CNOT2: variants seen among roughly 807,000 people sequenced by gnomAD.
CNOT2 encodes CC chemokine receptor 4-negative regulator of transcription 2.
In CNOT2, 7 loss-of-function variants were observed where a neutral mutation model predicts 72.1. That is an observed-to-expected ratio of 0.10 (90% CI 0.06 to 0.18). The LOEUF (loss-of-function observed/expected upper bound fraction) is 0.18, where lower values mean the gene tolerates loss of function less well. Among genes scored for constraint, CNOT2 ranks in the 10% least tolerant of loss-of-function variants. The pLI is 1.00. For synonymous variants in CNOT2, 196 were observed against 225.6 expected (o/e 0.87, Z 1.17); for missense variants, 345 against 660.3 (o/e 0.52, Z 5.23).
intron 2 of CNOT2, chr12:70,290,779 G>C (rs1323002533): frequency 6.6e-6 from 1 of 152,020 alleles, no homozygotes; most frequent in East Asian, 1.9e-4. Context: ...TCCCACCTCA[G>C]CCTCTCAAGA....
intron 2 of CNOT2, among the ~76,000 whole-genome samples, chr12:70,305,276 A>G (rs952797995): frequency 3.3e-5 from 5 of 152,168 alleles, no homozygotes; most frequent in African/African-American, 1.2e-4. Context: ...GCTGGGAGCT[A>G]TAGACTGGAG....
At chr12:70,268,779 G>A (rs1001126434) in intron 1 of CNOT2, among the ~76,000 whole-genome samples, 3 of 152,064 alleles carry the variant, frequency 2.0e-5, no homozygotes, top group Non-Finnish European at 4.4e-5. Context: ...AATTTTTACT[G>A]TACTCCTGTT....
chr12:70,344,066 A>C, intron 13 of CNOT2, 62 bp from the exon 14 acceptor site: 1 of 1,115,588 alleles, frequency 9.0e-7, no homozygotes, highest in Non-Finnish European at 1.3e-6. Flanking sequence ...AGTAGTAGCA[A>C]CTATATATTA....
chr12:70,323,729 A>C (rs1878652144), intron 4 of CNOT2: 2 of 151,800 alleles, frequency 1.3e-5, no homozygotes, highest in Non-Finnish European at 2.9e-5. Flanking sequence ...CACATTTCTG[A>C]GAGATTTATT....
chr12:70,299,458 G>A (rs1873466876), intron 2 of CNOT2, among the ~76,000 whole-genome samples: 4 of 143,712 alleles, frequency 2.8e-5, no homozygotes, highest in African/African-American at 1.0e-4. Flanking sequence ...CCACCTATGA[G>A]TGAGAACATG....
intron 15 of CNOT2, among the ~76,000 whole-genome samples, chr12:70,352,829 T>A (rs74473414): frequency 0.095 from 14,526 of 152,218 alleles, 893 homozygotes; most frequent in Middle Eastern, 0.18. Context: ...GAAGAAATTA[T>A]GTCACCATTC....
At chr12:70,341,112 C>T (rs1881447743) in intron 11 of CNOT2, among the ~76,000 whole-genome samples, 1 of 151,958 alleles carries the variant, frequency 6.6e-6, no homozygotes, top group South Asian at 2.1e-4. Context: ...CTTAACTCCT[C>T]ACTTTTCAAG....
intron 2 of CNOT2, among the ~76,000 whole-genome samples, chr12:70,293,324 C>A (rs1172399207): frequency 6.6e-6 from 1 of 151,990 alleles, no homozygotes; most frequent in Non-Finnish European, 1.5e-5. Context: ...CCATGCCCGG[C>A]TAATTTTGTA....
chr12:70,350,556 A>G (rs551951310), intron 15 of CNOT2, among the ~76,000 whole-genome samples: 2 of 152,336 alleles, frequency 1.3e-5, no homozygotes, highest in East Asian at 3.9e-4. Context: ...CTGAATGCCA[A>G]CATGGTGTCA....
chr12:70,325,487 G>A (rs1878942924), intron 4 of CNOT2, among the ~76,000 whole-genome samples: 1 of 151,842 alleles, frequency 6.6e-6, no homozygotes, highest in South Asian at 2.1e-4. Context: ...TAGGAGTCAA[G>A]AAATTGGATC....
At chr12:70,335,381 TA>T in intron 7 of CNOT2, 56 bp from the exon 8 acceptor site, 1 of 1,328,464 alleles carries the variant, frequency 7.5e-7, no homozygotes, top group Non-Finnish European at 1.1e-6. Flanking sequence ...TTGGTTTTTA[TA>T]ATCTCTTAAA....
intron 1 of CNOT2, among the ~76,000 whole-genome samples, chr12:70,275,635 C>G (rs1565755689): frequency 1.3e-5 from 2 of 151,938 alleles, no homozygotes; most frequent in Non-Finnish European, 2.9e-5. Flanking sequence ...ACATCCTTGC[C>G]TTATAGAAAA....
At chr12:70,279,169 G>C (rs1869390183) in intron 2 of CNOT2, among the ~76,000 whole-genome samples, 1 of 152,140 alleles carries the variant, frequency 6.6e-6, no homozygotes, top group Non-Finnish European at 1.5e-5. Flanking sequence ...TAGTATGATA[G>C]CAGCAGCTTT....
At chr12:70,282,471 C>T (rs1457213892) in intron 2 of CNOT2, among the ~76,000 whole-genome samples, 2 of 152,122 alleles carry the variant, frequency 1.3e-5, no homozygotes. Context: ...CTTTAAAAAT[C>T]ACAGATGCCT....
At chr12:70,301,039 A>G (rs932186366) in intron 2 of CNOT2, among the ~76,000 whole-genome samples, 1 of 152,090 alleles carries the variant, frequency 6.6e-6, no homozygotes, top group Admixed American at 6.5e-5. Context: ...ATTGGTGTAT[A>G]AGAATGCTTG....
At chr12:70,289,450 C>T (rs763629260) in intron 2 of CNOT2, among the ~76,000 whole-genome samples, 3 of 151,840 alleles carry the variant, frequency 2.0e-5, no homozygotes, top group South Asian at 2.1e-4. Flanking sequence ...GAGTCTTACA[C>T]GTGGGATTTG....
chr12:70,307,680 C>CCCTA (rs1875674384), intron 2 of CNOT2: 2 of 151,998 alleles, frequency 1.3e-5, no homozygotes, highest in African/African-American at 4.8e-5. Flanking sequence ...TTTTTATGTA[C>CCCTA]CCTAATTTCT....
chr12:70,294,405 A>G (rs1872495187), intron 2 of CNOT2: 3 of 549,662 alleles, frequency 5.5e-6, no homozygotes, highest in Admixed American at 3.4e-5. Flanking sequence ...TAGAAATATA[A>G]TGTTTGTTAT....
chr12:70,293,914 C>CTTTT lies in CNOT2; in HGVS notation c.48+15663_48+15666dup, dbSNP rs34038348. Among the ~76,000 whole-genome samples the CTTTT allele has an allele frequency of 1.6e-3, 117 of 71,342 alleles. 8 individuals carry two copies. Among genetic ancestry groups the CTTTT allele is most frequent in the Non-Finnish European group, 2.4e-3 (95 of 38,952 alleles). The allele number at this position is 71,342 out of a possible 152,430, so 46.8% of individuals were successfully genotyped here. Reference sequence around the variant, plus strand: ...GTGTGCAAGTTTGTGGTGAGCACTGCTTTTTTTTTTTTTTTTTTTTTTTTT... The same window carrying CTTTT: ...GTGTGCAAGTTTGTGGTGAGCACTGCTTTTTTTTTTTTTTTTTTTTTTTTTTTTT... On this transcript the variant is annotated intron_variant, in intron 2 of 15. Transcript: ENST00000229195.
Sources: allele counts gnomAD v4.1 joint callset (sites outside exome capture counted in the v4.1 genomes callset), GRCh38; gene constraint gnomAD v4.1.1; transcripts MANE v1.5; gene names NCBI Gene and HGNC (gene_info 2026-07-23, HGNC 2026-07-21).